The following BBS9 variants were observed in gnomAD, a reference collection of about 807,000 sequenced individuals.
BBS9 encodes the protein Bardet-Biedl syndrome 9.
A neutral mutation model predicts 117.7 loss-of-function variants in BBS9; 89 were observed. That is an observed-to-expected ratio of 0.76 (90% CI 0.64 to 0.90). The LOEUF (loss-of-function observed/expected upper bound fraction) is 0.90, where lower values mean the gene tolerates loss of function less well. Among genes scored for constraint, BBS9 ranks in the 40% least tolerant of loss-of-function variants. The probability of loss-of-function intolerance (pLI) is 0.00; values close to 1 mark genes in which losing one functional copy is unlikely to be tolerated. For synonymous variants in BBS9, 379 were observed against 370.9 expected (o/e 1.02, Z -0.25); for missense variants, 982 against 1,042.2 (o/e 0.94, Z 0.80).
chr7:33,346,158 G>C, intron 12 of BBS9: 1 of 413,106 alleles, frequency 2.4e-6, no homozygotes, highest in Middle Eastern at 3.7e-4. Flanking sequence ...ATGTCTTCCT[G>C]ATCCTGTCTG....
intron 21 of BBS9, among the ~76,000 whole-genome samples, chr7:33,629,814 A>G (rs1407395738): frequency 6.6e-6 from 1 of 152,216 alleles, no homozygotes; most frequent in African/African-American, 2.4e-5. Context: ...TTAAATCAAT[A>G]CAATCTTTCT....
intron 9 of BBS9, among the ~76,000 whole-genome samples, chr7:33,305,788 T>A (rs1192869034): frequency 6.6e-6 from 1 of 152,144 alleles, no homozygotes; most frequent in Non-Finnish European, 1.5e-5. Context: ...ATTTGGGTCT[T>A]CTGTCTTTTT....
intron 10 of BBS9, among the ~76,000 whole-genome samples, chr7:33,337,278 G>C (rs1815580859): frequency 6.6e-6 from 1 of 152,048 alleles, no homozygotes; most frequent in Non-Finnish European, 1.5e-5. Flanking sequence ...GTTTGAGTTG[G>C]ACATGTGAAA....
intron 21 of BBS9, among the ~76,000 whole-genome samples, chr7:33,567,605 G>C (rs1857118309): frequency 6.6e-6 from 1 of 151,890 alleles, no homozygotes; most frequent in Non-Finnish European, 1.5e-5. Context: ...TCATTTACTG[G>C]GTGGTTTTAA....
intron 20 of BBS9, among the ~76,000 whole-genome samples, chr7:33,528,219 C>T (rs1849968189): frequency 6.6e-6 from 1 of 151,992 alleles, no homozygotes; most frequent in Admixed American, 6.6e-5. Context: ...GTTGTTTCGC[C>T]TTCATATATG....
chr7:33,280,911 G>GTTTTTT lies in BBS9; in HGVS notation c.1016+6969_1016+6974dup, dbSNP rs150736523. 1.8e-3 allele frequency among the ~76,000 whole-genome samples: 141 copies of GTTTTTT among 79,338 alleles called. 1 individual carries two copies. The highest frequency in any genetic ancestry group is 3.4e-3 in the East Asian group (10 of 2,904). The allele number at this position is 79,338 out of a possible 152,430, so 52.0% of individuals were successfully genotyped here. On this transcript the variant is annotated intron_variant, in intron 9 of 22. Coordinates refer to ENST00000242067, the MANE Select transcript of BBS9 (RefSeq NM_198428.3). Reference sequence around the variant, plus strand: ...GTTTTGCTGTTAATTTGTCGTTTTTGTTTTTTTTTTTTTTTTTTTGCATTA... The same window carrying GTTTTTT: ...GTTTTGCTGTTAATTTGTCGTTTTTGTTTTTTTTTTTTTTTTTTTTTTTTTGCATTA...
intron 19 of BBS9, among the ~76,000 whole-genome samples, chr7:33,449,300 G>A (rs1395804080): frequency 2.6e-5 from 4 of 152,158 alleles, no homozygotes; most frequent in Non-Finnish European, 4.4e-5. Context: ...GAGGGGGTAC[G>A]TGAATTACCA....
intron 9 of BBS9, among the ~76,000 whole-genome samples, chr7:33,311,619 C>G (rs915002494): frequency 6.6e-6 from 1 of 152,142 alleles, no homozygotes; most frequent in Non-Finnish European, 1.5e-5. Context: ...GAGTTCGAGA[C>G]CAGCCTGGCC....
chr7:33,230,193 A>G (rs1245012217), intron 5 of BBS9, among the ~76,000 whole-genome samples: 1 of 152,120 alleles, frequency 6.6e-6, no homozygotes, highest in African/African-American at 2.4e-5. Flanking sequence ...TATTTTTCCC[A>G]GCCTGTAGGC....
chr7:33,301,050 A>G (rs192823609), intron 9 of BBS9, among the ~76,000 whole-genome samples: 2 of 152,060 alleles, frequency 1.3e-5, no homozygotes. Flanking sequence ...TATTATAATT[A>G]TTACTTCTTT....
chr7:33,571,494 G>GT (rs1436982976), intron 21 of BBS9, among the ~76,000 whole-genome samples: 1 of 152,038 alleles, frequency 6.6e-6, no homozygotes, highest in Non-Finnish European at 1.5e-5. Context: ...ATGAGTGGAT[G>GT]TTTTAAGCTC....
At chr7:33,282,555 G>A (rs960799125) in intron 9 of BBS9, among the ~76,000 whole-genome samples, 7 of 151,934 alleles carry the variant, frequency 4.6e-5, no homozygotes, top group African/African-American at 1.7e-4. Flanking sequence ...TGTATTTTTA[G>A]TAGAGACAGG....
chr7:33,142,300 T>A (rs1160144109), intron 1 of BBS9, among the ~76,000 whole-genome samples: 2 of 152,226 alleles, frequency 1.3e-5, no homozygotes, highest in African/African-American at 4.8e-5. Context: ...TTCTTTAATG[T>A]AAGTTTAAAA....
chr7:33,517,323 C>T (rs1847941650), intron 20 of BBS9, among the ~76,000 whole-genome samples: 1 of 152,228 alleles, frequency 6.6e-6, no homozygotes, highest in African/African-American at 2.4e-5. Flanking sequence ...CCATTCCTAT[C>T]TCTTAACCTC....
chr7:33,184,378 A>G (rs1189779785), intron 5 of BBS9, among the ~76,000 whole-genome samples: 1 of 152,226 alleles, frequency 6.6e-6, no homozygotes, highest in East Asian at 1.9e-4. Context: ...ATCAGCAAAG[A>G]GCGCAAGGCA....
intron 9 of BBS9, among the ~76,000 whole-genome samples, chr7:33,275,181 G>A (rs1317682252): frequency 6.6e-6 from 1 of 151,950 alleles, no homozygotes; most frequent in Non-Finnish European, 1.5e-5. Context: ...AAATGGAAAC[G>A]GTGTTTTGAA....
chr7:33,548,448 T>C (rs1853778281), intron 21 of BBS9, among the ~76,000 whole-genome samples: 1 of 151,170 alleles, frequency 6.6e-6, no homozygotes, highest in South Asian at 2.1e-4. Context: ...CTGCACCCAC[T>C]AACTCGTCAT....
intron 19 of BBS9, among the ~76,000 whole-genome samples, chr7:33,457,060 C>T (rs575534762): frequency 2.3e-4 from 35 of 152,278 alleles, no homozygotes; most frequent in African/African-American, 6.0e-4. Flanking sequence ...GGGGGCCATA[C>T]GTGTACGTCA....
intron 5 of BBS9, among the ~76,000 whole-genome samples, chr7:33,226,428 TCTA>T (rs1791288743): frequency 6.6e-6 from 1 of 152,198 alleles, no homozygotes; most frequent in African/African-American, 2.4e-5. Context: ...AGAAAACTCT[TCTA>T]CTTTCAATGT....
Sources: gnomAD v4.1 joint callset for allele counts (sites outside exome capture counted in the v4.1 genomes callset) on GRCh38, gnomAD v4.1.1 for gene constraint, MANE v1.5 for transcripts, NCBI Gene and HGNC (gene_info 2026-07-23, HGNC 2026-07-21) for gene names.